The following ACTR3C variants were observed in gnomAD, a reference collection of about 807,000 sequenced individuals.
The protein encoded by ACTR3C is actin-related protein 3C.
In ACTR3C, 18 loss-of-function variants were observed where a neutral mutation model predicts 26.3. The observed-to-expected ratio is 0.68, with a 90% confidence interval of 0.47 to 1.01. ACTR3C has a LOEUF of 1.01. Among genes scored for constraint, ACTR3C ranks in the 50% least tolerant of loss-of-function variants. The pLI, the probability that ACTR3C is intolerant of heterozygous loss-of-function variation, is 0.00. For synonymous variants in ACTR3C, 55 were observed against 94.5 expected, an observed-to-expected ratio of 0.58 and a Z score of 2.42; for missense variants, 184 against 250.7, an observed-to-expected ratio of 0.73 and a Z score of 1.80.
intron 1 of ACTR3C, among the ~76,000 whole-genome samples, chr7:150,301,138 CCAGA>C (rs1481074170): frequency 1.3e-5 from 2 of 152,096 alleles, no homozygotes; most frequent in East Asian, 3.9e-4. Context: ...GTATCTCATT[CCAGA>C]AGAAATAACA....
the ACTR3C span, among the ~76,000 whole-genome samples, chr7:150,051,465 G>C: frequency 6.7e-6 from 1 of 149,624 alleles, no homozygotes; most frequent in Non-Finnish European, 1.5e-5. Flanking sequence ...AATAGGTGTA[G>C]TGGTTCGGAA....
the ACTR3C span, among the ~76,000 whole-genome samples, chr7:149,945,480 A>G: frequency 3.3e-5 from 5 of 152,364 alleles, no homozygotes; most frequent in East Asian, 7.7e-4. Flanking sequence ...TGCCAGTCAC[A>G]GGCTTACAAG....
chr7:150,295,561 G>C (rs1222052728), intron 1 of ACTR3C, among the ~76,000 whole-genome samples: 12 of 152,254 alleles, frequency 7.9e-5, no homozygotes, highest in African/African-American at 2.9e-4. Context: ...GAAGGCCTCT[G>C]TTCTTATTAC....
chr7:149,989,212 G>A, the ACTR3C span, among the ~76,000 whole-genome samples: 13,777 of 152,220 alleles, frequency 0.091, 780 homozygotes, highest in Non-Finnish European at 0.13. Context: ...CCATCATGAT[G>A]TTTTGATATA....
chr7:150,023,343 ATATTT>A, the ACTR3C span, among the ~76,000 whole-genome samples: 3 of 104,552 alleles, frequency 2.9e-5, no homozygotes, highest in Non-Finnish European at 3.9e-5. Context: ...ACATACATAT[ATATTT>A]TAGAGACAGA....
the ACTR3C span, among the ~76,000 whole-genome samples, chr7:150,046,806 G>GGTT: frequency 6.9e-6 from 1 of 144,120 alleles, no homozygotes; most frequent in Non-Finnish European, 1.5e-5. Flanking sequence ...ATGAGTCATT[G>GGTT]GTTACTAGGG....
At chr7:150,199,061 A>G in the ACTR3C span, among the ~76,000 whole-genome samples, 1 of 144,998 alleles carries the variant, frequency 6.9e-6, no homozygotes, top group Non-Finnish European at 1.5e-5. Flanking sequence ...CCTACTGGGA[A>G]GTGAGGAGCC....
At chr7:150,255,314 T>A (rs1833141769) in intron 6 of ACTR3C, among the ~76,000 whole-genome samples, 1 of 149,704 alleles carries the variant, frequency 6.7e-6, no homozygotes, top group South Asian at 2.1e-4. Context: ...GATCAGCCTG[T>A]TAACAGACTA....
chr7:150,146,857 G>C, the ACTR3C span, among the ~76,000 whole-genome samples: 1 of 152,094 alleles, frequency 6.6e-6, no homozygotes, highest in Non-Finnish European at 1.5e-5. Context: ...ATTTTATTTT[G>C]AGCAATTGAG....
At chr7:149,914,704 C>G in the ACTR3C span, among the ~76,000 whole-genome samples, 2 of 149,466 alleles carry the variant, frequency 1.3e-5, no homozygotes, top group African/African-American at 2.5e-5. Flanking sequence ...AAAAAAATCT[C>G]AAACCAAAAT....
the ACTR3C span, among the ~76,000 whole-genome samples, chr7:150,009,678 A>C: frequency 6.6e-5 from 10 of 151,928 alleles, no homozygotes; most frequent in African/African-American, 2.4e-4. Flanking sequence ...TTTTAAACTA[A>C]GAGCCTTCAT....
chr7:149,995,013 C>T, the ACTR3C span, among the ~76,000 whole-genome samples: 1 of 151,976 alleles, frequency 6.6e-6, no homozygotes, highest in African/African-American at 2.4e-5. Flanking sequence ...CGCCACAGTG[C>T]CCAGCTAATT....
chr7:150,186,456 T>C, the ACTR3C span, among the ~76,000 whole-genome samples: 1 of 152,174 alleles, frequency 6.6e-6, no homozygotes, highest in East Asian at 1.9e-4. Context: ...CATGTTTGTG[T>C]TATAATCCAA....
At chr7:149,948,096 G>A in the ACTR3C span, among the ~76,000 whole-genome samples, 24 of 142,516 alleles carry the variant, frequency 1.7e-4, no homozygotes, top group African/African-American at 5.6e-4. Flanking sequence ...CTCAGCAGGC[G>A]TGAGAACAGC....
the ACTR3C span, among the ~76,000 whole-genome samples, chr7:150,042,290 TCCCC>T: frequency 2.9e-5 from 1 of 34,340 alleles, no homozygotes; most frequent in Non-Finnish European, 5.3e-5. Flanking sequence ...GCGATGGGGG[TCCCC>T]AGAGCCAGGG....
chr7:149,929,593 C>A, the ACTR3C span, among the ~76,000 whole-genome samples: 1 of 146,866 alleles, frequency 6.8e-6, no homozygotes, highest in Non-Finnish European at 1.5e-5. Context: ...GTGCAGTGGC[C>A]CGATCTCGGC....
the ACTR3C span, among the ~76,000 whole-genome samples, chr7:150,010,263 GA>G: frequency 1.3e-5 from 2 of 152,182 alleles, no homozygotes; most frequent in Middle Eastern, 3.4e-3. Context: ...CCTTTCTTGG[GA>G]AAAAAATATG....
At chr7:150,302,527 A>C (rs1010008523) in intron 1 of ACTR3C, among the ~76,000 whole-genome samples, 2 of 151,954 alleles carry the variant, frequency 1.3e-5, no homozygotes, top group Non-Finnish European at 1.5e-5. Flanking sequence ...ATAGCTGTTA[A>C]AATAAGGGTT....
At chr7:150,067,339 G>A in the ACTR3C span, among the ~76,000 whole-genome samples, 2 of 152,154 alleles carry the variant, frequency 1.3e-5, no homozygotes, top group Non-Finnish European at 1.5e-5. Context: ...CAGTGCAGAG[G>A]GGCAAAGAAA....
Sources: allele counts gnomAD v4.1 joint callset (sites outside exome capture counted in the v4.1 genomes callset), GRCh38; gene constraint gnomAD v4.1.1; transcripts MANE v1.5; gene names NCBI Gene and HGNC (gene_info 2026-07-23, HGNC 2026-07-21).